Variants in SYNE2 observed in about 807,000 individuals in gnomAD.
SYNE2 encodes the protein nesprin-2.
A neutral mutation model predicts 856.3 loss-of-function variants in SYNE2; 431 were observed. The observed-to-expected ratio is 0.50, with a 90% confidence interval of 0.47 to 0.55. SYNE2 has a LOEUF of 0.55. Among genes scored for constraint, SYNE2 ranks in the 20% least tolerant of loss-of-function variants. The probability of loss-of-function intolerance (pLI) is 0.00; values close to 1 mark genes in which losing one functional copy is unlikely to be tolerated. For missense variants in SYNE2, 8,129 were observed against 8,023.2 expected (o/e 1.01, Z -0.50); for synonymous variants, 2,923 against 2,872.3 (o/e 1.02, Z -0.56).
rs568017232 is a variant in SYNE2 at position 63,794,575 on chromosome 14, A to G, written c.-305+32589A>G. On this transcript the variant is annotated intron_variant, in intron 1 of 23. Transcript: ENST00000674003. ...TCTTACAACTCATTAAAAAGAATAT[A>G]AACAATCAACTATAAAATGGATAGA... is the stretch of plus-strand genomic sequence containing the variant. 3.9e-5 allele frequency among the ~76,000 whole-genome samples: 6 copies of G among 152,354 alleles called. No individual in the cohort carries two copies. The South Asian group carries it at 8.3e-4, about 21-fold the overall frequency.
At chr14:63,915,619 C>T (rs901141377) in intron 2 of SYNE2, among the ~76,000 whole-genome samples, 11 of 152,210 alleles carry the variant, frequency 7.2e-5, no homozygotes, top group African/African-American at 2.4e-4. Flanking sequence ...TAACCATCTG[C>T]ACGAACCTCT....
At chr14:64,206,984 C>G (rs953329872) in intron 100 of SYNE2, among the ~76,000 whole-genome samples, 5 of 152,260 alleles carry the variant, frequency 3.3e-5, no homozygotes, top group Middle Eastern at 3.4e-3. Flanking sequence ...GATGTAATAA[C>G]TTTAAAGTTA....
chr14:63,990,450 G>T lies in SYNE2; in HGVS notation c.2353G>T (p.Ala785Ser). 1 of 1,613,444 alleles carries T rather than the reference G, an allele frequency of 6.2e-7. No homozygotes were observed. The highest frequency in any genetic ancestry group is 8.5e-7 in the Non-Finnish European group (1 of 1,179,916). ...AGGCTCTATGTTTGATGAGCTTATG[G>T]CAAGAAGTGAAGATATGTTACAAAT... The part of the protein sequence containing the change: ...AKGSMFDELM[A>S]RSEDMLQMDI... Residue 785 changes from alanine (A) to serine (S), a missense_variant, in exon 20 of 116, where the codon GCA becomes TCA. This residue lies in a region of SYNE2 where 2,422 missense variants were observed against 2,357.4 expected (regional missense o/e 1.03). Transcript: ENST00000555002.
At chr14:64,110,588 A>ACACCC (rs1292783339) in intron 65 of SYNE2, among the ~76,000 whole-genome samples, 1 of 75,390 alleles carries the variant, frequency 1.3e-5, no homozygotes, top group Non-Finnish European at 2.4e-5. Context: ...TACTTTTTAC[A>ACACCC]CCCCCCCCCC....
At chr14:63,912,477 C>T (rs1052078112) in intron 2 of SYNE2, among the ~76,000 whole-genome samples, 3 of 152,174 alleles carry the variant, frequency 2.0e-5, no homozygotes, top group Admixed American at 2.0e-4. Context: ...TTCACATGTG[C>T]TTAATGATCC....
chr14:63,836,647 T>A (rs190897534), intron 1 of SYNE2, among the ~76,000 whole-genome samples: 1 of 152,294 alleles, frequency 6.6e-6, no homozygotes, highest in East Asian at 1.9e-4. Flanking sequence ...CATTTACCGT[T>A]CCCACTACCA....
rs1353954763 is a variant in SYNE2, at chr14:63,853,106, G to C, written c.-89G>C. 1.3e-5 allele frequency: 2 copies of C among 151,786 alleles called. No homozygotes were observed. Among genetic ancestry groups the C allele is most frequent in the African/African-American group, 2.4e-5 (1 of 41,378 alleles). The allele number at this position is 151,786 out of a possible 1,614,324, so 9.4% of individuals were successfully genotyped here. A position where few individuals can be genotyped will look rare whatever the true frequency, so the allele number is the denominator to read the frequency against. ...GCAAGCGGGGCGCCGACCTCGGGCG[G>C]CCCCGGCCCGCGCCCTTGCCCCTCG... On this transcript the variant is annotated 5_prime_UTR_variant, in exon 1 of 116. Coordinates refer to ENST00000555002, the MANE Select transcript of SYNE2 (RefSeq NM_182914.3).
intron 1 of SYNE2, among the ~76,000 whole-genome samples, chr14:63,853,568 G>A (rs1453602322): frequency 6.6e-6 from 1 of 151,664 alleles, no homozygotes; most frequent in Admixed American, 6.6e-5. Flanking sequence ...TTCATTCCTC[G>A]CGTCACGCCT....
At chr14:64,042,801 G>A (rs1250949209) in intron 45 of SYNE2, among the ~76,000 whole-genome samples, 2 of 152,014 alleles carry the variant, frequency 1.3e-5, no homozygotes, top group Admixed American at 1.3e-4. Context: ...GTCTTTATCA[G>A]CACCATGAGA....
At chr14:63,848,148 A>T (rs1038281556), upstream of SYNE2, 2 of 152,088 alleles carry the variant, frequency 1.3e-5, no homozygotes. Flanking sequence ...AAACCTCCCA[A>T]ATTGCTGGGA....
At chr14:64,188,931 G>A in intron 98 of SYNE2, 1 of 705,296 alleles carries the variant, frequency 1.4e-6, no homozygotes, top group Non-Finnish European at 2.6e-6. Context: ...ATGGTACCGA[G>A]GAGAGTTGCT....
intron 6 of SYNE2, 101 bp downstream of exon 6, chr14:63,942,244 T>A: frequency 1.3e-6 from 1 of 767,646 alleles, no homozygotes; most frequent in East Asian, 2.6e-5. Context: ...CCTGAGCTTC[T>A]CCTATAAATA....
chr14:63,974,739 T>C (rs192239864), intron 11 of SYNE2, among the ~76,000 whole-genome samples: 4 of 148,698 alleles, frequency 2.7e-5, no homozygotes, highest in Admixed American at 2.1e-4. Flanking sequence ...TATATACATA[T>C]ACATATATAT....
chr14:63,823,623 A>ATTTTTT (rs34883942), intron 1 of SYNE2, among the ~76,000 whole-genome samples: 2 of 142,968 alleles, frequency 1.4e-5, no homozygotes, highest in African/African-American at 2.6e-5. Context: ...TGGAAGGAAC[A>ATTTTTT]TTTTTTTTTT....
At chr14:63,981,302 C>G (rs1313125220) in intron 16 of SYNE2, 129 bp downstream of exon 16, 1 of 816,506 alleles carries the variant, frequency 1.2e-6, no homozygotes, top group Non-Finnish European at 2.0e-6. Flanking sequence ...TCTTCAAGGT[C>G]TTGGAAAGAA....
At position 64,089,588 on chromosome 14, in the gene SYNE2, T is replaced by C. The variant is rs1231775411; in HGVS notation, c.11685T>C (p.Ile3895=). The C allele has an allele frequency of 1.2e-6, 2 of 1,609,882 alleles. No individual in the cohort carries two copies. Among genetic ancestry groups the C allele is most frequent in the Non-Finnish European group, 1.7e-6 (2 of 1,177,172 alleles). The change falls in exon 59 of 116, where the codon ATT becomes ATC. Residue 3895 remains isoleucine (I), a synonymous_variant. Coordinates refer to ENST00000555002, the MANE Select transcript of SYNE2 (RefSeq NM_182914.3). The part of the protein sequence containing the change: ...IQRMADDVVA[I]ESEVKSMEKR... ...TGAAATTCTAGGATGTGGTTGCTAT[T>C]GAATCTGAAGTAAAATCAATGGAAA...
chr14:63,809,698 T>A (rs1310738834), intron 1 of SYNE2, among the ~76,000 whole-genome samples: 2 of 152,096 alleles, frequency 1.3e-5, no homozygotes, highest in Non-Finnish European at 2.9e-5. Context: ...ATAGGGTCTC[T>A]CTATGATGTC....
At chr14:63,988,885 CG>C (rs2096645779) in intron 19 of SYNE2, among the ~76,000 whole-genome samples, 1 of 152,134 alleles carries the variant, frequency 6.6e-6, no homozygotes, top group Admixed American at 6.5e-5. Context: ...TACCTCTCAC[CG>C]GGTGTCTCTC....
chr14:63,992,445 T>A (rs977880590), intron 21 of SYNE2, among the ~76,000 whole-genome samples: 12 of 152,050 alleles, frequency 7.9e-5, no homozygotes, highest in Non-Finnish European at 1.6e-4. Flanking sequence ...CCAGCTAATT[T>A]AAAAAAATTT....
Sources: gnomAD v4.1 joint callset for allele counts (sites outside exome capture counted in the v4.1 genomes callset) on GRCh38, gnomAD v4.1.1 for gene constraint, gnomAD v4.1.1 regional missense constraint, MANE v1.5 for transcripts, NCBI Gene and HGNC (gene_info 2026-07-23, HGNC 2026-07-21) for gene names.